SVOP: variants seen among roughly 807,000 people sequenced by gnomAD.
SVOP encodes SV2 related protein.
In SVOP, 17 loss-of-function variants were observed where a neutral mutation model predicts 69.1. That is an observed-to-expected ratio of 0.25 (90% CI 0.17 to 0.37). The LOEUF (loss-of-function observed/expected upper bound fraction) is 0.37, where lower values mean the gene tolerates loss of function less well. Among genes scored for constraint, SVOP ranks in the 10% least tolerant of loss-of-function variants. The pLI is 1.00. For missense variants in SVOP, 435 were observed against 597.5 expected (o/e 0.73, Z 2.84); for synonymous variants, 238 against 238.6 (o/e 1.00, Z 0.02).
Position 108,992,625 on chromosome 12 carries a change from G to T in SVOP, c.36-8864C>A, listed in dbSNP as rs528448358. On this transcript the variant is annotated intron_variant, in intron 1 of 15. Coordinates refer to ENST00000610966, the MANE Select transcript of SVOP (RefSeq NM_018711.5). ...TACAGATGAACCTCAAAAATATTAC[G>T]CTGAGCAAAGAAGCTAGTCACAAAA... Among the ~76,000 whole-genome samples, 155 of 152,254 alleles carry T rather than the reference G, an allele frequency of 1.0e-3. 4 individuals are homozygous for T. The South Asian group carries it at 0.02, about 19-fold the overall frequency.
chr12:108,991,442 C>CTTGT (rs370214885), intron 1 of SVOP, among the ~76,000 whole-genome samples: 2,763 of 13,966 alleles, frequency 0.2, 113 homozygotes, highest in East Asian at 0.45. Flanking sequence ...TCGGGTTTTG[C>CTTGT]TTGTTTGTTT....
chr12:109,011,607 C>T (rs2040341957), intron 1 of SVOP, among the ~76,000 whole-genome samples: 2 of 152,206 alleles, frequency 1.3e-5, no homozygotes, highest in African/African-American at 2.4e-5. Context: ...CCTGGCTTAA[C>T]ATGGGCTCAA....
At chr12:108,927,105 A>C (rs1158327710) in intron 11 of SVOP, among the ~76,000 whole-genome samples, 2 of 152,052 alleles carry the variant, frequency 1.3e-5, no homozygotes, top group African/African-American at 4.8e-5. Flanking sequence ...ACAACTCAAT[A>C]CTTTTGTTGG....
chr12:108,954,926 A>C (rs1376236982), intron 6 of SVOP, among the ~76,000 whole-genome samples: 1 of 152,192 alleles, frequency 6.6e-6, no homozygotes, highest in Non-Finnish European at 1.5e-5. Context: ...CTGAGGCAGA[A>C]GGATCACTTG....
chr12:108,908,124 A>T lies in SVOP; in HGVS notation c.*4411T>A, dbSNP rs2039659617. 1 of 152,360 alleles carries T rather than the reference A, an allele frequency of 6.6e-6. No individual in the cohort carries two copies. Among genetic ancestry groups the T allele is most frequent in the South Asian group, 2.1e-4 (1 of 4,828 alleles). 9.4% of individuals were successfully genotyped at this position (152,360 alleles called of 1,614,324 possible). A position where few individuals can be genotyped will look rare whatever the true frequency, so the allele number is the denominator to read the frequency against. ...GGTATGTTTGCAGAGCTGGGTTATGAGGCTATGGAAGCTCTGTGCATGATT... is the reference window on the plus strand; with the variant it reads ...GGTATGTTTGCAGAGCTGGGTTATGTGGCTATGGAAGCTCTGTGCATGATT... On this transcript the variant is annotated 3_prime_UTR_variant, in exon 16 of 16. Transcript: ENST00000610966.
At chr12:108,939,053 G>T in intron 8 of SVOP, 98 bp from the exon 9 acceptor site, 1 of 1,549,844 alleles carries the variant, frequency 6.5e-7, no homozygotes, top group Non-Finnish European at 8.8e-7. Context: ...GTCTTTAAGA[G>T]TGGGGGCTCT....
In SVOP at chr12:108,976,597, CCTCT is replaced by C. The variant is rs543526244; in HGVS notation, c.381+797_381+800del. 1.4e-3 allele frequency among the ~76,000 whole-genome samples: 202 copies of C among 146,442 alleles called. 1 individual carries two copies. The highest frequency in any genetic ancestry group is 4.6e-3 in the African/African-American group (185 of 40,234). ...TATCCTCTTATCCAGCCTGGCCATT[CCTCT>C]CTCTCTCTCTCTCTTTTTTTTTTTT... is the stretch of plus-strand genomic sequence containing the variant. On this transcript the variant is annotated intron_variant, in intron 4 of 15. Coordinates refer to ENST00000610966, the MANE Select transcript of SVOP (RefSeq NM_018711.5).
chr12:108,942,620 G>C (rs916225705), intron 7 of SVOP, among the ~76,000 whole-genome samples: 7 of 152,250 alleles, frequency 4.6e-5, no homozygotes, highest in African/African-American at 1.2e-4. Flanking sequence ...GGCTGCATCT[G>C]TCAGCTGAGG....
intron 1 of SVOP, among the ~76,000 whole-genome samples, chr12:109,013,435 G>C (rs560259710): frequency 6.6e-6 from 1 of 150,566 alleles, no homozygotes; most frequent in Admixed American, 6.6e-5. Flanking sequence ...CTGTCACCCA[G>C]GCTGGAGTGC....
intron 6 of SVOP, among the ~76,000 whole-genome samples, chr12:108,946,365 G>T (rs894722918): frequency 6.6e-6 from 1 of 151,960 alleles, no homozygotes; most frequent in African/African-American, 2.4e-5. Flanking sequence ...TTCCCAAAGC[G>T]CTAGGATTAC....
At chr12:108,927,875 CATG>C (rs1566049162) in intron 11 of SVOP, among the ~76,000 whole-genome samples, 1 of 147,784 alleles carries the variant, frequency 6.8e-6, no homozygotes, top group African/African-American at 2.5e-5. Context: ...GGATTAAAGG[CATG>C]AGCCACCATG....
At chr12:108,918,602 G>A (rs1234833191) in intron 13 of SVOP, among the ~76,000 whole-genome samples, 2 of 152,180 alleles carry the variant, frequency 1.3e-5, no homozygotes, top group Non-Finnish European at 2.9e-5. Context: ...AGACCAGGAG[G>A]TGGCCCACAG....
chr12:109,013,269 C>T (rs1010994677), intron 1 of SVOP, among the ~76,000 whole-genome samples: 1 of 151,452 alleles, frequency 6.6e-6, no homozygotes, highest in Non-Finnish European at 1.5e-5. Flanking sequence ...AGTTTATTAG[C>T]GATGATACGT....
intron 4 of SVOP, among the ~76,000 whole-genome samples, chr12:108,976,864 C>T (rs2137433710): frequency 6.6e-6 from 1 of 152,318 alleles, no homozygotes; most frequent in African/African-American, 2.4e-5. Context: ...GTCCACCCAC[C>T]TCAGCCTCCC....
intron 11 of SVOP, among the ~76,000 whole-genome samples, chr12:108,924,502 C>A (rs2039768768): frequency 6.6e-6 from 1 of 152,126 alleles, no homozygotes; most frequent in Non-Finnish European, 1.5e-5. Context: ...CTACGGCCAA[C>A]CCATCAGCTG....
chr12:108,985,317 A>AGG, intron 1 of SVOP, among the ~76,000 whole-genome samples: 1 of 151,144 alleles, frequency 6.6e-6, no homozygotes, highest in East Asian at 1.9e-4. Context: ...AAGAAATAAA[A>AGG]AAGGAAGGAA....
At chr12:108,916,006 T>A in intron 14 of SVOP, 134 bp from the exon 15 acceptor site, 1 of 787,674 alleles carries the variant, frequency 1.3e-6, no homozygotes, top group Non-Finnish European at 1.9e-6. Context: ...GTGACGCCCT[T>A]AAGGGACAGG....
chr12:109,008,960 C>CTTTTTTT (rs71079510), intron 1 of SVOP, among the ~76,000 whole-genome samples: 7 of 112,744 alleles, frequency 6.2e-5, no homozygotes, highest in African/African-American at 1.4e-4. Context: ...TCTTTTCTTT[C>CTTTTTTT]TTTTTTTTTT....
intron 1 of SVOP, among the ~76,000 whole-genome samples, chr12:108,989,785 C>T (rs1317469416): frequency 6.6e-6 from 1 of 152,222 alleles, no homozygotes; most frequent in African/African-American, 2.4e-5. Flanking sequence ...AGTTATTATA[C>T]AAATTAATTG....
Sources: allele counts gnomAD v4.1 joint callset (sites outside exome capture counted in the v4.1 genomes callset), GRCh38; gene constraint gnomAD v4.1.1; transcripts MANE v1.5; gene names NCBI Gene and HGNC (gene_info 2026-07-23, HGNC 2026-07-21).